PKNOX1: variants seen among roughly 807,000 people sequenced by gnomAD.
The protein encoded by PKNOX1 is homeobox protein PKNOX1.
In PKNOX1, 15 loss-of-function variants were observed where a neutral mutation model predicts 51.9. The observed-to-expected ratio is 0.29, with a 90% CI of 0.19 to 0.45. The LOEUF is 0.45. Among genes scored for constraint, PKNOX1 ranks in the 20% least tolerant of loss-of-function variants. The pLI, the probability that PKNOX1 is intolerant of heterozygous loss-of-function variation, is 1.00. For missense variants in PKNOX1, 462 were observed against 547.5 expected, an observed-to-expected ratio of 0.84 and a Z score of 1.56; for synonymous variants, 219 against 211.1, an observed-to-expected ratio of 1.04 and a Z score of -0.32.
intron 2 of PKNOX1, among the ~76,000 whole-genome samples, chr21:43,007,157 C>G (rs1979022219): frequency 6.6e-6 from 1 of 152,188 alleles, no homozygotes; most frequent in African/African-American, 2.4e-5. Flanking sequence ...GCTTCTCTGA[C>G]TGTAGTATTG....
intron 2 of PKNOX1, among the ~76,000 whole-genome samples, chr21:43,006,625 G>T (rs1978997708): frequency 1.3e-5 from 2 of 152,218 alleles, no homozygotes; most frequent in Admixed American, 1.3e-4. Flanking sequence ...AGGGCTGGAG[G>T]ATGTGAGAGG....
At chr21:43,013,382 C>G (rs1979342178) in intron 5 of PKNOX1, 144 bp downstream of exon 5, 1 of 524,752 alleles carries the variant, frequency 1.9e-6, no homozygotes, top group East Asian at 3.4e-5. Context: ...CTGACCCCAG[C>G]CTGGTTTGGG....
intron 1 of PKNOX1, among the ~76,000 whole-genome samples, chr21:42,984,558 T>C (rs1279796934): frequency 6.6e-6 from 1 of 151,854 alleles, no homozygotes; most frequent in Non-Finnish European, 1.5e-5. Flanking sequence ...CTGGCTAATT[T>C]TGTATTTTCA....
chr21:43,030,109 A>ACT lies in PKNOX1; in HGVS notation c.*8_*9insCT. The stretch of plus-strand genomic sequence containing the variant: ...AGTGACTCCCTGCAGTAGGGGCAGG[A>ACT]GCAGACGCACCTGACTTTTTGGAGT... On this transcript the variant is annotated 3_prime_UTR_variant, in exon 11 of 11. Transcript: ENST00000291547. 1.3e-6 allele frequency: 2 copies of ACT among 1,573,276 alleles called. No individual in the cohort carries two copies. Among genetic ancestry groups the ACT allele is most frequent in the Non-Finnish European group, 1.7e-6 (2 of 1,152,680 alleles).
intron 1 of PKNOX1, among the ~76,000 whole-genome samples, chr21:42,974,869 G>A (rs1456559930): frequency 3.4e-5 from 5 of 147,904 alleles, no homozygotes; most frequent in Admixed American, 2.7e-4. Flanking sequence ...AGGGGAGCGG[G>A]CACCCGCGGG....
chr21:42,981,062 T>C (rs1326655817), intron 1 of PKNOX1, among the ~76,000 whole-genome samples: 1 of 151,894 alleles, frequency 6.6e-6, no homozygotes, highest in Non-Finnish European at 1.5e-5. Flanking sequence ...TCCTTGGAGG[T>C]GAGGGTGAAG....
At position 43,004,355 on chromosome 21, in the gene PKNOX1, T is replaced by A. The variant is rs779633366; in HGVS notation, c.-27T>A. ...CATTCGCTTTTCACCCAAGATGATT[T>A]GATGTCTTATAAAACTCTGATGAAC... On this transcript the variant is annotated 5_prime_UTR_variant, in exon 2 of 11. An upstream open reading frame in the 5' UTR loses its in-frame stop. Coordinates refer to ENST00000291547, the MANE Select transcript of PKNOX1 (RefSeq NM_004571.5). The A allele has an allele frequency of 2.0e-6, 3 of 1,526,482 alleles. No individual in the cohort carries two copies. The Admixed American group carries it at 5.0e-5, about 26-fold the overall frequency. The allele number at this position is 1,526,482 out of a possible 1,614,324, so 94.6% of individuals were successfully genotyped here.
Position 43,033,561 on chromosome 21 carries a change from T to A in PKNOX1, c.*3460T>A, listed in dbSNP as rs987862377. The A allele has an allele frequency of 9.2e-5, 14 of 152,534 alleles. No homozygotes were observed. Among genetic ancestry groups the A allele is most frequent in the Non-Finnish European group, 1.5e-4 (10 of 68,018 alleles). 9.4% of individuals were successfully genotyped at this position (152,534 alleles called of 1,614,324 possible). On this transcript the variant is annotated 3_prime_UTR_variant, in exon 11 of 11. Coordinates refer to ENST00000291547, the MANE Select transcript of PKNOX1 (RefSeq NM_004571.5). The stretch of plus-strand genomic sequence containing the variant: ...CAATTGATTTATCAAAGCAAAAAAA[T>A]TAAAAATAGAAACTTGCTTTATGGA...
intron 1 of PKNOX1, among the ~76,000 whole-genome samples, chr21:42,975,029 G>A (rs868696355): frequency 8.6e-6 from 1 of 116,586 alleles, no homozygotes; most frequent in African/African-American, 3.2e-5. Flanking sequence ...CTTTCGGAGT[G>A]CGGCGCGCGC....
chr21:42,997,943 G>A (rs996923911), intron 1 of PKNOX1, among the ~76,000 whole-genome samples: 4 of 152,144 alleles, frequency 2.6e-5, no homozygotes, highest in Admixed American at 1.3e-4. Flanking sequence ...GAGGGTGAGG[G>A]TTGGGCAGAG....
chr21:42,980,814 TA>T (rs1279077882), intron 1 of PKNOX1, among the ~76,000 whole-genome samples: 1 of 152,248 alleles, frequency 6.6e-6, no homozygotes, highest in East Asian at 1.9e-4. Context: ...CTGTTCCTGC[TA>T]AAACTCCAGG....
intron 1 of PKNOX1, among the ~76,000 whole-genome samples, chr21:42,981,019 CAGAT>C (rs2059022779): frequency 6.6e-6 from 1 of 152,166 alleles, no homozygotes; most frequent in African/African-American, 2.4e-5. Context: ...AAAAACGGCA[CAGAT>C]AGGGGAACCC....
At position 43,030,102 on chromosome 21, in the gene PKNOX1, G is replaced by A. The variant is rs1316632944; in HGVS notation, c.*1G>A. 1 of 1,583,204 alleles carries A rather than the reference G, an allele frequency of 6.3e-7. No individual in the cohort carries two copies. Among genetic ancestry groups the A allele is most frequent in the Admixed American group, 1.7e-5 (1 of 57,524 alleles). ...GGAGAACAGTGACTCCCTGCAGTAG[G>A]GGCAGGAGCAGACGCACCTGACTTT... On this transcript the variant is annotated 3_prime_UTR_variant, in exon 11 of 11. Coordinates refer to ENST00000291547, the MANE Select transcript of PKNOX1 (RefSeq NM_004571.5).
chr21:42,982,150 G>T (rs969308066), intron 1 of PKNOX1, among the ~76,000 whole-genome samples: 1 of 152,192 alleles, frequency 6.6e-6, no homozygotes, highest in Non-Finnish European at 1.5e-5. Context: ...TGACCTTCGG[G>T]CTGGGGGCTG....
chr21:43,029,716 C>A (rs1351714657), intron 10 of PKNOX1, among the ~76,000 whole-genome samples, 174 bp from the exon 11 acceptor site: 1 of 152,180 alleles, frequency 6.6e-6, no homozygotes, highest in Non-Finnish European at 1.5e-5. Context: ...CAGGCATGAG[C>A]TACCGCGCCC....
intron 5 of PKNOX1, among the ~76,000 whole-genome samples, chr21:43,013,971 C>T (rs1233711606): frequency 6.6e-6 from 1 of 151,370 alleles, no homozygotes; most frequent in African/African-American, 2.4e-5. Context: ...ATTATTATAC[C>T]CTCTGTGTAT....
At chr21:42,987,404 A>AT (rs1555858104) in intron 1 of PKNOX1, among the ~76,000 whole-genome samples, 123 of 41,292 alleles carry the variant, frequency 3.0e-3, no homozygotes, top group Non-Finnish European at 3.2e-3. Flanking sequence ...AAAAAAAAAA[A>AT]ATATATATAT....
Position 43,018,467 on chromosome 21 carries a change from C to CGG in PKNOX1, c.720+237_720+238insGG, listed in dbSNP as rs1568902045. On this transcript the variant is annotated intron_variant, in intron 7 of 10. Coordinates refer to ENST00000291547, the MANE Select transcript of PKNOX1 (RefSeq NM_004571.5). The stretch of plus-strand genomic sequence containing the variant: ...GAAAAAAGTCACTCATAACCACCCC[C>CGG]TGCCACCCACACACACACACACACA... Among the ~76,000 whole-genome samples the CGG allele has an allele frequency of 3.7e-3, 74 of 19,894 alleles. 15 individuals carry two copies. The highest frequency in any genetic ancestry group is 4.8e-3 in the Non-Finnish European group (42 of 8,840). 13.1% of individuals were successfully genotyped at this position (19,894 alleles called of 152,430 possible).
At chr21:43,029,017 C>A in intron 10 of PKNOX1, 143 bp downstream of exon 10, 2 of 776,276 alleles carry the variant, frequency 2.6e-6, no homozygotes, top group Non-Finnish European at 2.2e-6. Flanking sequence ...GCAACTAAAA[C>A]ATGAGGAAGC....
Sources: gnomAD v4.1 joint callset for allele counts (sites outside exome capture counted in the v4.1 genomes callset) on GRCh38, gnomAD v4.1.1 for gene constraint, MANE v1.5 for transcripts, NCBI Gene and HGNC (gene_info 2026-07-23, HGNC 2026-07-21) for gene names.